The following GFM1 variants were observed in gnomAD, a reference collection of about 807,000 sequenced individuals.
The protein encoded by GFM1 is elongation factor G, mitochondrial.
Under a neutral mutation model 96.2 loss-of-function variants are expected in GFM1, and 62 were observed. That is an observed-to-expected ratio of 0.64 (90% CI 0.53 to 0.80). The LOEUF is 0.80. GFM1 is among the 30% of genes least tolerant of loss of function. The probability of loss-of-function intolerance (pLI) is 0.00; values close to 1 mark genes in which losing one functional copy is unlikely to be tolerated. For synonymous variants in GFM1, 282 were observed against 312.9 expected (o/e 0.90, Z 1.04); for missense variants, 852 against 916.6 (o/e 0.93, Z 0.91).
At chr3:158,682,636 T>C (rs900952898) in intron 14 of GFM1, among the ~76,000 whole-genome samples, 18 of 152,176 alleles carry the variant, frequency 1.2e-4, no homozygotes, top group Admixed American at 9.2e-4. Context: ...CCTCACAAAA[T>C]TGAGGATCAG....
chr3:158,665,515 ACT>A (rs1723589810), intron 12 of GFM1, 41 bp downstream of exon 12: 1 of 1,540,784 alleles, frequency 6.5e-7, no homozygotes. Context: ...TCAATTTATT[ACT>A]GTCTGTTTCA....
chr3:158,671,760 T>A (rs1724336983), intron 13 of GFM1, among the ~76,000 whole-genome samples: 2 of 152,234 alleles, frequency 1.3e-5, no homozygotes, highest in Admixed American at 6.5e-5. Context: ...AAACATTTAA[T>A]TCAAGCCTTT....
chr3:158,648,135 A>G (rs1217855564), intron 4 of GFM1, among the ~76,000 whole-genome samples: 1 of 151,964 alleles, frequency 6.6e-6, no homozygotes, highest in Non-Finnish European at 1.5e-5. Flanking sequence ...CAACATTTTT[A>G]TCAGTAGAGG....
chr3:158,688,315 A>G (rs1726037073), intron 15 of GFM1, among the ~76,000 whole-genome samples: 1 of 152,150 alleles, frequency 6.6e-6, no homozygotes, highest in Non-Finnish European at 1.5e-5. Context: ...ATCTTATGGT[A>G]TAGGATTAGA....
chr3:158,672,059 A>T (rs551415318), intron 13 of GFM1, among the ~76,000 whole-genome samples: 1 of 152,290 alleles, frequency 6.6e-6, no homozygotes, highest in East Asian at 1.9e-4. Context: ...ACACTTAAGG[A>T]AAGTGCTGCC....
At chr3:158,675,292 A>C (rs1180718716) in intron 13 of GFM1, among the ~76,000 whole-genome samples, 11 of 140,304 alleles carry the variant, frequency 7.8e-5, no homozygotes, top group African/African-American at 2.9e-4. Context: ...TCTCAAAAAA[A>C]AAAAAAAAAA....
chr3:158,660,544 C>T lies in GFM1; in HGVS notation c.1222-330C>T, dbSNP rs192399740. The T allele has an allele frequency of 1.1e-3, 345 of 313,922 alleles. 4 individuals are homozygous for T. Among genetic ancestry groups the T allele is most frequent in the South Asian group, 8.9e-3 (309 of 34,708 alleles). The allele number at this position is 313,922 out of a possible 1,614,324, so 19.4% of individuals were successfully genotyped here. ...ATTACAGGCATGAGACACCATGCCC[C>T]GCCAGTACATGCCTTTTAATTCCAT... On this transcript the variant is annotated intron_variant, in intron 9 of 17. Transcript: ENST00000486715.
chr3:158,668,465 C>G (rs566106988), intron 13 of GFM1, among the ~76,000 whole-genome samples: 1 of 152,174 alleles, frequency 6.6e-6, no homozygotes, highest in South Asian at 2.1e-4. Flanking sequence ...ATATTGTACA[C>G]CTGGGATTCT....
At chr3:158,648,686 A>G (rs1722045500) in intron 4 of GFM1, among the ~76,000 whole-genome samples, 1 of 151,340 alleles carries the variant, frequency 6.6e-6, no homozygotes, top group Admixed American at 6.6e-5. Flanking sequence ...CTCAAAAAAA[A>G]AAAAAAAAAA....
At chr3:158,664,781 G>A (rs1723493213) in intron 11 of GFM1, among the ~76,000 whole-genome samples, 1 of 152,154 alleles carries the variant, frequency 6.6e-6, no homozygotes, top group Non-Finnish European at 1.5e-5. Flanking sequence ...GGGAGGATTA[G>A]GGTATCTTTG....
intron 12 of GFM1, 96 bp from the exon 13 acceptor site, chr3:158,666,207 AT>A: frequency 1.2e-6 from 1 of 810,302 alleles, no homozygotes; most frequent in African/African-American, 1.7e-5. Context: ...TATCTATTAT[AT>A]TTAAGTGAAT....
Position 158,666,380 on chromosome 3 carries a change from C to T in GFM1, c.1595C>T (p.Pro532Leu), listed in dbSNP as rs991068365. 3.1e-6 allele frequency: 5 copies of T among 1,612,746 alleles called. No homozygotes were observed. Among genetic ancestry groups the T allele is most frequent in the Non-Finnish European group, 3.4e-6 (4 of 1,178,818 alleles). Residue 532 changes from proline (P) to leucine (L), a missense_variant, in exon 13 of 18, where the codon CCT becomes CTT. Pro to Leu is a moderately conservative substitution (Grantham distance 98). Coordinates refer to ENST00000486715, the MANE Select transcript of GFM1 (RefSeq NM_024996.7). ...GCCTTTCGAGAGACCATTACTGCCCCTGTCCCGTAAGTATGCAACGTAATT... is the reference window on the plus strand; with the variant it reads ...GCCTTTCGAGAGACCATTACTGCCCTTGTCCCGTAAGTATGCAACGTAATT... ...KVAFRETITAPVPFDFTHKKQ... is the reference protein window; with the variant it reads ...KVAFRETITALVPFDFTHKKQ...
intron 9 of GFM1, among the ~76,000 whole-genome samples, chr3:158,660,060 G>A (rs1723074928): frequency 6.6e-6 from 1 of 152,102 alleles, no homozygotes; most frequent in Non-Finnish European, 1.5e-5. Flanking sequence ...TAGATTTCCT[G>A]TGTTTTCTTG....
chr3:158,644,581 G>A lies in GFM1; in HGVS notation c.-54G>A, dbSNP rs1016137610. On this transcript the variant is annotated 5_prime_UTR_variant, in exon 1 of 18. Transcript: ENST00000486715. ...TTTGACCGCTTCCCGGTGCGTTACC[G>A]GCAGCTGAACCCACCCGGCGCCACG... 9 of 1,457,302 alleles carry A rather than the reference G, an allele frequency of 6.2e-6. No homozygotes were observed. Among genetic ancestry groups the A allele is most frequent in the Non-Finnish European group, 8.5e-6 (9 of 1,064,362 alleles). The allele number at this position is 1,457,302 out of a possible 1,614,324, so 90.3% of individuals were successfully genotyped here. A position where few individuals can be genotyped will look rare whatever the true frequency, so the allele number is the denominator to read the frequency against.
chr3:158,688,192 C>A (rs1325509775), intron 15 of GFM1, among the ~76,000 whole-genome samples: 1 of 152,072 alleles, frequency 6.6e-6, no homozygotes, highest in Admixed American at 6.6e-5. Context: ...AGTGAGGTAA[C>A]CTAAAACTGA....
chr3:158,670,442 C>A (rs1724168717), intron 13 of GFM1, among the ~76,000 whole-genome samples: 1 of 152,084 alleles, frequency 6.6e-6, no homozygotes, highest in East Asian at 1.9e-4. Flanking sequence ...TCAGACTGCC[C>A]TAAGAGTATG....
Position 158,691,637 on chromosome 3 carries a change from TTA to T in GFM1, c.*174_*175del. 1 of 630,938 alleles carries T rather than the reference TTA, an allele frequency of 1.6e-6. No individual in the cohort carries two copies. Among genetic ancestry groups the T allele is most frequent in the Non-Finnish European group, 2.8e-6 (1 of 362,274 alleles). The allele number at this position is 630,938 out of a possible 1,614,324, so 39.1% of individuals were successfully genotyped here. A position where few individuals can be genotyped will look rare whatever the true frequency, so the allele number is the denominator to read the frequency against. Reference sequence around the variant, plus strand: ...TCTTGTTCATATTCAGGAGCTTCTGTTATATTCAAAGGTAATTCTATGTCTAT... The same window carrying T: ...TCTTGTTCATATTCAGGAGCTTCTGTTATTCAAAGGTAATTCTATGTCTAT... On this transcript the variant is annotated 3_prime_UTR_variant, in exon 18 of 18. Coordinates refer to ENST00000486715, the MANE Select transcript of GFM1 (RefSeq NM_024996.7).
chr3:158,657,745 G>T (rs1722882297), intron 8 of GFM1, among the ~76,000 whole-genome samples: 1 of 151,932 alleles, frequency 6.6e-6, no homozygotes, highest in East Asian at 1.9e-4. Context: ...TAGAGTATCA[G>T]TTGTCCAGTT....
chr3:158,671,623 G>C (rs1724321495), intron 13 of GFM1, among the ~76,000 whole-genome samples: 1 of 152,174 alleles, frequency 6.6e-6, no homozygotes, highest in South Asian at 2.1e-4. Context: ...TTCAAAATAA[G>C]ATCTACTGTG....
Sources: gnomAD v4.1 joint callset for allele counts (sites outside exome capture counted in the v4.1 genomes callset) on GRCh38, gnomAD v4.1.1 for gene constraint, MANE v1.5 for transcripts, NCBI Gene and HGNC (gene_info 2026-07-23, HGNC 2026-07-21) for gene names.